The following TMTC2 variants were observed in gnomAD, a reference collection of about 807,000 sequenced individuals.
TMTC2 encodes protein O-mannosyl-transferase TMTC2.
Under a neutral mutation model 82.4 loss-of-function variants are expected in TMTC2, and 43 were observed. The observed-to-expected ratio is 0.52, with a 90% CI of 0.41 to 0.67. The LOEUF (loss-of-function observed/expected upper bound fraction) is 0.67. Ranked by LOEUF, TMTC2 falls within the 30% of genes least tolerant of loss-of-function variation. TMTC2 has a pLI of 0.00. For synonymous variants in TMTC2, 408 were observed against 381.9 expected (o/e 1.07, Z -0.80); for missense variants, 919 against 1,012.4 (o/e 0.91, Z 1.25).
intron 11 of TMTC2, among the ~76,000 whole-genome samples, chr12:83,076,331 G>T (rs1310670521): frequency 6.6e-6 from 1 of 152,136 alleles, no homozygotes; most frequent in Non-Finnish European, 1.5e-5. Context: ...CTGTAGTTTG[G>T]GGAACATCAA....
chr12:82,967,239 C>T (rs2137307030), intron 7 of TMTC2, among the ~76,000 whole-genome samples: 1 of 152,090 alleles, frequency 6.6e-6, no homozygotes, highest in South Asian at 2.1e-4. Flanking sequence ...AAGGGACTCT[C>T]AAAAACATCT....
chr12:83,034,427 G>A (rs1406638528), intron 9 of TMTC2, among the ~76,000 whole-genome samples: 1 of 152,154 alleles, frequency 6.6e-6, no homozygotes, highest in Admixed American at 6.5e-5. Context: ...GAGGAAGGGA[G>A]GCCACAGAGG....
At chr12:82,793,151 C>T (rs1383103036) in intron 1 of TMTC2, among the ~76,000 whole-genome samples, 1 of 152,130 alleles carries the variant, frequency 6.6e-6, no homozygotes, top group Non-Finnish European at 1.5e-5. Flanking sequence ...AGTATCCTCA[C>T]TACCTAGCTA....
rs1295595751 is a variant in TMTC2 at position 82,821,137 on chromosome 12, G to C, written c.84-35873G>C. Among the ~76,000 whole-genome samples the C allele has an allele frequency of 4.6e-5, 7 of 152,106 alleles. No homozygotes were observed. In the East Asian group the frequency reaches 1.2e-3, roughly 25 times the overall value. ...GTCTCACAAAATGCTAGGATTATAG[G>C]TATGAACCACAGTGCCTGGCCAATT... On this transcript the variant is annotated intron_variant, in intron 1 of 11. Transcript: ENST00000321196.
intron 8 of TMTC2, among the ~76,000 whole-genome samples, chr12:83,017,499 C>A (rs1258585669): frequency 6.6e-6 from 1 of 152,182 alleles, no homozygotes; most frequent in Non-Finnish European, 1.5e-5. Flanking sequence ...CTTGAAACTG[C>A]TTTCGGAAGA....
chr12:82,787,501 T>C (rs1478153468), intron 1 of TMTC2, among the ~76,000 whole-genome samples: 2 of 152,214 alleles, frequency 1.3e-5, no homozygotes, highest in Non-Finnish European at 2.9e-5. Context: ...AAGTTAGATT[T>C]ACTTCTTAAA....
At chr12:83,019,069 C>A (rs965722118) in intron 8 of TMTC2, among the ~76,000 whole-genome samples, 23 of 152,178 alleles carry the variant, frequency 1.5e-4, no homozygotes, top group African/African-American at 5.1e-4. Flanking sequence ...GAATTCTGGG[C>A]AGGCTTAATT....
intron 1 of TMTC2, among the ~76,000 whole-genome samples, chr12:82,821,235 CTT>C (rs539885571): frequency 6.6e-6 from 1 of 152,122 alleles, no homozygotes; most frequent in African/African-American, 2.4e-5. Context: ...CTGTTGAAAA[CTT>C]TTTGAATCCT....
At chr12:82,758,064 C>T (rs1876433722) in intron 1 of TMTC2, among the ~76,000 whole-genome samples, 1 of 152,196 alleles carries the variant, frequency 6.6e-6, no homozygotes, top group East Asian at 1.9e-4. Flanking sequence ...CCTGTTATCA[C>T]TTAAGAAATA....
At chr12:82,696,982 A>ATATATATATATATATG (rs1872830633) in intron 1 of TMTC2, among the ~76,000 whole-genome samples, 1 of 150,436 alleles carries the variant, frequency 6.6e-6, no homozygotes, top group Non-Finnish European at 1.5e-5. Flanking sequence ...ATATATATAT[A>ATATATATATATATATG]TGTTTCTATT....
chr12:83,030,926 A>G, intron 9 of TMTC2, 47 bp downstream of exon 9: 1 of 1,374,288 alleles, frequency 7.3e-7, no homozygotes, highest in Non-Finnish European at 1.0e-6. Context: ...ATTTACTATT[A>G]ATGTTGATAT....
At chr12:82,832,760 A>G (rs538358445) in intron 1 of TMTC2, among the ~76,000 whole-genome samples, 5 of 152,344 alleles carry the variant, frequency 3.3e-5, no homozygotes, top group Admixed American at 1.3e-4. Flanking sequence ...ACTTCTCTGA[A>G]TTATACCCTT....
chr12:82,805,497 C>CT (rs753878105), intron 1 of TMTC2, among the ~76,000 whole-genome samples: 7,075 of 90,512 alleles, frequency 0.078, 1,798 homozygotes, highest in East Asian at 0.13. Context: ...CCTCTCCCCA[C>CT]TTTTTTTTTT....
chr12:82,844,896 C>T (rs1411789007), intron 1 of TMTC2, among the ~76,000 whole-genome samples: 1 of 151,380 alleles, frequency 6.6e-6, no homozygotes, highest in African/African-American at 2.4e-5. Context: ...TTCATTCCAT[C>T]CCTTGAAGTC....
chr12:82,893,644 C>T (rs986295584), intron 2 of TMTC2, among the ~76,000 whole-genome samples: 1 of 151,842 alleles, frequency 6.6e-6, no homozygotes, highest in Non-Finnish European at 1.5e-5. Context: ...AACTTCTAAC[C>T]ACCTATTCTT....
At chr12:83,070,626 A>T (rs1041930364) in intron 11 of TMTC2, among the ~76,000 whole-genome samples, 3 of 152,140 alleles carry the variant, frequency 2.0e-5, no homozygotes, top group African/African-American at 4.8e-5. Flanking sequence ...AAATGATTAT[A>T]TCCTCAGTAA....
At chr12:82,696,888 T>C (rs1640698061) in intron 1 of TMTC2, among the ~76,000 whole-genome samples, 1 of 151,720 alleles carries the variant, frequency 6.6e-6, no homozygotes, top group Non-Finnish European at 1.5e-5. Flanking sequence ...TTCCCAGTTT[T>C]TTGGAGCTAG....
At chr12:82,747,315 A>G (rs1192108961) in intron 1 of TMTC2, among the ~76,000 whole-genome samples, 2 of 152,234 alleles carry the variant, frequency 1.3e-5, no homozygotes, top group African/African-American at 4.8e-5. Flanking sequence ...TTTATACATG[A>G]GAAAATAGAA....
intron 8 of TMTC2, among the ~76,000 whole-genome samples, chr12:83,004,739 T>TTTTTTTTTTTTTTTTTTTTTTTG (rs1880085511): frequency 1.2e-5 from 1 of 86,636 alleles, no homozygotes; most frequent in Non-Finnish European, 2.2e-5. Flanking sequence ...TTTTTTTTTT[T>TTTTTTTTTTTTTTTTTTTTTTTG]TTTTTTTTTT....
Sources: gnomAD v4.1 joint callset for allele counts (sites outside exome capture counted in the v4.1 genomes callset) on GRCh38, gnomAD v4.1.1 for gene constraint, MANE v1.5 for transcripts, NCBI Gene and HGNC (gene_info 2026-07-23, HGNC 2026-07-21) for gene names.